DLG2: variants seen among roughly 807,000 people sequenced by gnomAD.
DLG2 encodes the protein disks large homolog 2.
DLG2 carries 45 observed loss-of-function variants against 132.5 expected under a neutral mutation model. The ratio of observed to expected loss-of-function variants is 0.34; its 90% CI spans 0.27 to 0.44. DLG2 has a LOEUF of 0.44. DLG2 is among the 20% of genes least tolerant of loss of function. The pLI is 1.00. For missense variants in DLG2, 1,045 were observed against 1,196.9 expected, an observed-to-expected ratio of 0.87 and a Z score of 1.87; for synonymous variants, 424 against 419.6, an observed-to-expected ratio of 1.01 and a Z score of -0.13.
At chr11:85,312,720 A>T (rs2080394457) in intron 3 of DLG2, among the ~76,000 whole-genome samples, 1 of 151,936 alleles carries the variant, frequency 6.6e-6, no homozygotes, top group Non-Finnish European at 1.5e-5. Flanking sequence ...TTTAGAGTCT[A>T]AAAAAATTCA....
chr11:84,128,649 G>A (rs2094285346), intron 9 of DLG2, among the ~76,000 whole-genome samples: 1 of 151,928 alleles, frequency 6.6e-6, no homozygotes, highest in South Asian at 2.1e-4. Context: ...ATATATTCAA[G>A]ATTCCCCCAA....
At chr11:85,619,765 T>A (rs1189463840) in intron 2 of DLG2, among the ~76,000 whole-genome samples, 1 of 150,754 alleles carries the variant, frequency 6.6e-6, no homozygotes, top group African/African-American at 2.4e-5. Context: ...ACCCAGGAGG[T>A]GGAGGTTGCA....
chr11:85,430,798 A>G (rs2091124786), intron 3 of DLG2, among the ~76,000 whole-genome samples: 1 of 150,270 alleles, frequency 6.7e-6, no homozygotes, highest in Admixed American at 6.7e-5. Context: ...TCAGGAAAAC[A>G]TTCTGAAAAT....
intron 10 of DLG2, among the ~76,000 whole-genome samples, chr11:84,062,451 C>G (rs866701679): frequency 9.9e-5 from 15 of 152,148 alleles, no homozygotes; most frequent in African/African-American, 3.6e-4. Flanking sequence ...AAAGTTCTTG[C>G]TATTGAGTGG....
chr11:83,764,263 G>A (rs980412694), intron 18 of DLG2, among the ~76,000 whole-genome samples: 3 of 152,194 alleles, frequency 2.0e-5, no homozygotes, highest in African/African-American at 7.2e-5. Context: ...AGTAATGATT[G>A]TGAGACAGCA....
At chr11:85,336,878 A>G (rs1186441686) in intron 3 of DLG2, among the ~76,000 whole-genome samples, 1 of 152,166 alleles carries the variant, frequency 6.6e-6, no homozygotes, top group Admixed American at 6.5e-5. Context: ...TTTTCTCACA[A>G]ATCACCTTTT....
intron 10 of DLG2, among the ~76,000 whole-genome samples, chr11:84,082,452 A>G (rs1021484843): frequency 1.2e-4 from 18 of 152,356 alleles, no homozygotes; most frequent in African/African-American, 4.3e-4. Context: ...CTTCAAAAAC[A>G]AGATTACTTA....
chr11:85,605,205 G>A (rs116097198), intron 2 of DLG2, among the ~76,000 whole-genome samples: 1 of 152,052 alleles, frequency 6.6e-6, no homozygotes, highest in Non-Finnish European at 1.5e-5. Flanking sequence ...CTGAAACTCA[G>A]AGTGGCTTGT....
intron 11 of DLG2, among the ~76,000 whole-genome samples, chr11:83,999,617 A>T (rs1018419271): frequency 2.0e-5 from 3 of 152,044 alleles, no homozygotes; most frequent in African/African-American, 7.2e-5. Context: ...TCAAGAACAG[A>T]CATGCTCAGC....
At chr11:83,941,165 C>A (rs2082570192) in intron 14 of DLG2, among the ~76,000 whole-genome samples, 1 of 152,084 alleles carries the variant, frequency 6.6e-6, no homozygotes, top group Admixed American at 6.5e-5. Flanking sequence ...TTACATGAGG[C>A]ACATTTATAC....
At chr11:84,987,208 G>A (rs1275277532) in intron 6 of DLG2, among the ~76,000 whole-genome samples, 1 of 152,130 alleles carries the variant, frequency 6.6e-6, no homozygotes, top group African/African-American at 2.4e-5. Flanking sequence ...TAACCAAGGA[G>A]GTGAAAGACC....
chr11:84,755,580 C>T (rs565851862), intron 6 of DLG2, among the ~76,000 whole-genome samples: 4 of 152,176 alleles, frequency 2.6e-5, no homozygotes, highest in Admixed American at 6.5e-5. Context: ...CCCGCCACCA[C>T]GCCCGGCTAA....
At chr11:84,211,413 T>C (rs1276770869) in intron 8 of DLG2, among the ~76,000 whole-genome samples, 1 of 152,178 alleles carries the variant, frequency 6.6e-6, no homozygotes, top group East Asian at 1.9e-4. Flanking sequence ...GTTTGAATAA[T>C]TATTTATTTA....
At chr11:84,627,275 A>G (rs2099624474) in intron 6 of DLG2, among the ~76,000 whole-genome samples, 1 of 152,170 alleles carries the variant, frequency 6.6e-6, no homozygotes, top group Admixed American at 6.5e-5. Flanking sequence ...CACTTATTCA[A>G]CATTCTCAGT....
At chr11:83,768,085 G>A (rs2094218407) in intron 18 of DLG2, among the ~76,000 whole-genome samples, 1 of 152,076 alleles carries the variant, frequency 6.6e-6, no homozygotes, top group African/African-American at 2.4e-5. Flanking sequence ...TAGGACTAGC[G>A]AGATAATGCA....
intron 8 of DLG2, among the ~76,000 whole-genome samples, chr11:84,168,364 C>T (rs1169530503): frequency 2.0e-5 from 3 of 152,210 alleles, no homozygotes; most frequent in African/African-American, 7.2e-5. Flanking sequence ...TAATCCTTCT[C>T]CTTATTATAA....
intron 18 of DLG2, among the ~76,000 whole-genome samples, chr11:83,634,140 G>A (rs1450427115): frequency 1.3e-5 from 2 of 151,974 alleles, no homozygotes; most frequent in African/African-American, 4.8e-5. Flanking sequence ...GCTAGAAGTT[G>A]ACCACTTGGG....
At chr11:85,179,260 A>C (rs1243009528) in intron 4 of DLG2, among the ~76,000 whole-genome samples, 1 of 151,904 alleles carries the variant, frequency 6.6e-6, no homozygotes, top group Non-Finnish European at 1.5e-5. Context: ...GAGTGCAAGC[A>C]TACAAATATT....
intron 18 of DLG2, among the ~76,000 whole-genome samples, chr11:83,646,130 A>G (rs1440178525): frequency 6.6e-6 from 1 of 152,158 alleles, no homozygotes; most frequent in African/African-American, 2.4e-5. Context: ...GTGGAGAACT[A>G]TAGCAGAAAC....
Sources: gnomAD v4.1 joint callset for allele counts (sites outside exome capture counted in the v4.1 genomes callset) on GRCh38, gnomAD v4.1.1 for gene constraint, MANE v1.5 for transcripts, NCBI Gene and HGNC (gene_info 2026-07-23, HGNC 2026-07-21) for gene names.